NETO1: variants seen among roughly 807,000 people sequenced by gnomAD.
NETO1 encodes the protein neuropilin and tolloid-like protein 1.
In NETO1, 26 loss-of-function variants were observed where a neutral mutation model predicts 61.3. The ratio of observed to expected loss-of-function variants is 0.42; its 90% confidence interval spans 0.31 to 0.59. The LOEUF is 0.59. Among genes scored for constraint, NETO1 ranks in the 20% least tolerant of loss-of-function variants. The probability of loss-of-function intolerance (pLI) is 0.12; values close to 1 mark genes in which losing one functional copy is unlikely to be tolerated. For missense variants in NETO1, 531 were observed against 662.8 expected (o/e 0.80, Z 2.18); for synonymous variants, 225 against 225.8 (o/e 1.00, Z 0.03).
intron 4 of NETO1, among the ~76,000 whole-genome samples, chr18:72,839,359 G>GA (rs2073851589): frequency 6.6e-6 from 1 of 152,174 alleles, no homozygotes; most frequent in Non-Finnish European, 1.5e-5. Flanking sequence ...AGGAACACAG[G>GA]AAAAACGATA....
chr18:72,841,021 A>T (rs1451931235), intron 4 of NETO1, among the ~76,000 whole-genome samples: 1 of 152,176 alleles, frequency 6.6e-6, no homozygotes, highest in Non-Finnish European at 1.5e-5. Flanking sequence ...CCTCAAGAAC[A>T]ACAGCTGTTT....
intron 8 of NETO1, 101 bp from the exon 9 acceptor site, chr18:72,750,721 A>G (rs1179398367): frequency 2.6e-6 from 2 of 782,094 alleles, no homozygotes; most frequent in Non-Finnish European, 3.9e-6. Context: ...ACTTAAAGTA[A>G]AGCAGGCTGA....
chr18:72,842,826 T>C (rs1433385877), intron 4 of NETO1, among the ~76,000 whole-genome samples: 6 of 152,174 alleles, frequency 3.9e-5, no homozygotes, highest in Non-Finnish European at 7.4e-5. Flanking sequence ...CTCATAGGTA[T>C]AGCATACCTC....
At chr18:72,835,812 G>A (rs77078564) in intron 4 of NETO1, among the ~76,000 whole-genome samples, 3,985 of 152,226 alleles carry the variant, frequency 0.026, 150 homozygotes, top group African/African-American at 0.092. Flanking sequence ...TCCACGTGTC[G>A]ACACTATAAC....
intron 4 of NETO1, among the ~76,000 whole-genome samples, chr18:72,795,916 C>A (rs924233601): frequency 6.6e-6 from 1 of 152,156 alleles, no homozygotes; most frequent in Non-Finnish European, 1.5e-5. Flanking sequence ...GTAGCCCTTG[C>A]CACTTTGAGT....
At chr18:72,776,898 C>A (rs2071566225) in intron 7 of NETO1, among the ~76,000 whole-genome samples, 2 of 152,174 alleles carry the variant, frequency 1.3e-5, no homozygotes, top group South Asian at 4.1e-4. Flanking sequence ...GTTTCAGTGT[C>A]AATTTAAAAC....
At position 72,809,943 on chromosome 18, in the gene NETO1, G is replaced by A. The variant is rs11877165; in HGVS notation, c.470-15539C>T. Among the ~76,000 whole-genome samples, 694 of 152,226 alleles carry A rather than the reference G, an allele frequency of 4.6e-3. 7 individuals carry two copies. Among genetic ancestry groups the A allele is most frequent in the African/African-American group, 0.015 (634 of 41,524 alleles). ...TGCTAGGTGCGCAAGTCCCTTTTAC[G>A]TCTATTTAGCTCGAAAATAATACCT... On this transcript the variant is annotated intron_variant, in intron 4 of 10. Coordinates refer to ENST00000327305, the MANE Select transcript of NETO1 (RefSeq NM_138966.5).
At position 72,815,647 on chromosome 18, in the gene NETO1, C is replaced by T. The variant is rs371803713; in HGVS notation, c.470-21243G>A. On this transcript the variant is annotated intron_variant, in intron 4 of 10. Transcript: ENST00000327305. ...AAAACAGAAAAGGATGTAAGACTGA[C>T]GACATCGAGTTTCACGTGTATGTGG... Among the ~76,000 whole-genome samples the T allele has an allele frequency of 2.8e-4, 42 of 152,272 alleles. 1 individual carries two copies. In the East Asian group the frequency reaches 7.0e-3, roughly 25 times the overall value.
At chr18:72,809,014 A>G (rs1264785822) in intron 4 of NETO1, among the ~76,000 whole-genome samples, 36 of 152,346 alleles carry the variant, frequency 2.4e-4, no homozygotes, top group Non-Finnish European at 1.0e-4. Flanking sequence ...TCAGTCTGGA[A>G]AAGAGGTAAA....
At chr18:72,817,926 C>T (rs73471858) in intron 4 of NETO1, among the ~76,000 whole-genome samples, 2,269 of 152,270 alleles carry the variant, frequency 0.015, 47 homozygotes, top group East Asian at 0.086. Context: ...TTCTGACCAA[C>T]GGCCAGTGAG....
rs74815474 is a variant in NETO1, at chr18:72,818,113, A to G, written c.470-23709T>C. ...GTAACCTTTGCACTGCTTGACTTTC[A>G]GTAGTTACTATTAATCAAAAATGCA... On this transcript the variant is annotated intron_variant, in intron 4 of 10. Coordinates refer to ENST00000327305, the MANE Select transcript of NETO1 (RefSeq NM_138966.5). Among the ~76,000 whole-genome samples the G allele has an allele frequency of 2.1e-3, 316 of 152,280 alleles. 7 individuals are homozygous for G. In the East Asian group the frequency reaches 0.047, roughly 23 times the overall value.
At chr18:72,845,059 C>T (rs1223597481) in intron 4 of NETO1, among the ~76,000 whole-genome samples, 1 of 152,228 alleles carries the variant, frequency 6.6e-6, no homozygotes, top group Non-Finnish European at 1.5e-5. Context: ...AGAGCAGATG[C>T]TGCATCTCAA....
intron 4 of NETO1, among the ~76,000 whole-genome samples, chr18:72,829,578 C>T (rs541686556): frequency 1.3e-5 from 2 of 152,276 alleles, no homozygotes; most frequent in African/African-American, 4.8e-5. Flanking sequence ...ACATTAGGTT[C>T]TACAGTAGCT....
At chr18:72,803,542 G>T (rs1194823046) in intron 4 of NETO1, among the ~76,000 whole-genome samples, 2 of 152,126 alleles carry the variant, frequency 1.3e-5, no homozygotes, top group African/African-American at 4.8e-5. Flanking sequence ...TACTCTCCTG[G>T]CCAGGAGCGG....
intron 8 of NETO1, 39 bp from the exon 9 acceptor site, chr18:72,750,659 A>T: frequency 2.1e-6 from 3 of 1,460,798 alleles, no homozygotes; most frequent in Non-Finnish European, 2.8e-6. Context: ...AACGGACAAA[A>T]GAAGAAGCAA....
At chr18:72,829,277 C>T (rs1052475734) in intron 4 of NETO1, among the ~76,000 whole-genome samples, 3 of 152,088 alleles carry the variant, frequency 2.0e-5, no homozygotes, top group African/African-American at 7.2e-5. Context: ...AAATTTAAGT[C>T]TCAAAACACT....
At chr18:72,863,903 T>C (rs2074655850) in intron 3 of NETO1, among the ~76,000 whole-genome samples, 1 of 152,158 alleles carries the variant, frequency 6.6e-6, no homozygotes, top group South Asian at 2.1e-4. Context: ...GAAATGCTTC[T>C]ACATTTTAAA....
At chr18:72,846,534 A>AT (rs2074093515) in intron 4 of NETO1, among the ~76,000 whole-genome samples, 48 of 146,906 alleles carry the variant, frequency 3.3e-4, no homozygotes, top group African/African-American at 1.1e-3. Flanking sequence ...AAAAAAAAAA[A>AT]GAAGATGCAT....
chr18:72,769,344 T>C (rs981270398), intron 7 of NETO1, among the ~76,000 whole-genome samples: 1 of 152,162 alleles, frequency 6.6e-6, no homozygotes, highest in African/African-American at 2.4e-5. Context: ...AGAAATTCTA[T>C]TACAGAGCAG....
Sources: allele counts gnomAD v4.1 joint callset (sites outside exome capture counted in the v4.1 genomes callset), GRCh38; gene constraint gnomAD v4.1.1; transcripts MANE v1.5; gene names NCBI Gene and HGNC (gene_info 2026-07-23, HGNC 2026-07-21).